The following ROBO2 variants were observed in gnomAD, a reference collection of about 807,000 sequenced individuals.
The protein encoded by ROBO2 is roundabout guidance receptor 2, also known as roundabout homolog 2.
In ROBO2, 53 loss-of-function variants were observed where a neutral mutation model predicts 160.8. That is an observed-to-expected ratio of 0.33 (90% CI 0.26 to 0.41). The LOEUF (loss-of-function observed/expected upper bound fraction) is 0.41, where lower values mean the gene tolerates loss of function less well. Ranked by LOEUF, ROBO2 falls within the 10% of genes least tolerant of loss-of-function variation. The pLI, the probability that ROBO2 is intolerant of heterozygous loss-of-function variation, is 1.00. For missense variants in ROBO2, 1,577 were observed against 1,722.4 expected, an observed-to-expected ratio of 0.92 and a Z score of 1.49; for synonymous variants, 664 against 611.7, an observed-to-expected ratio of 1.09 and a Z score of -1.26.
chr3:76,564,548 A>G (rs1363544788), intron 2 of ROBO2, among the ~76,000 whole-genome samples: 1 of 152,202 alleles, frequency 6.6e-6, no homozygotes, highest in Non-Finnish European at 1.5e-5. Flanking sequence ...AAATTGTATT[A>G]TGTGGTCCAC....
chr3:76,065,099 G>C (rs2068207929), intron 2 of ROBO2, among the ~76,000 whole-genome samples: 1 of 151,890 alleles, frequency 6.6e-6, no homozygotes, highest in African/African-American at 2.4e-5. Context: ...AAATATAATA[G>C]CATAAAAATT....
intron 2 of ROBO2, among the ~76,000 whole-genome samples, chr3:76,854,839 C>T (rs1359673133): frequency 6.6e-6 from 1 of 152,058 alleles, no homozygotes; most frequent in East Asian, 1.9e-4. Context: ...TCTTCACCTA[C>T]TTAAAAGAGT....
intron 2 of ROBO2, among the ~76,000 whole-genome samples, chr3:76,368,025 T>C (rs1195307576): frequency 2.6e-5 from 4 of 151,942 alleles, no homozygotes; most frequent in Admixed American, 6.6e-5. Flanking sequence ...ATGGTAAATA[T>C]TGCATTTTTA....
intron 2 of ROBO2, among the ~76,000 whole-genome samples, chr3:76,047,619 T>A (rs2067494047): frequency 6.6e-6 from 1 of 152,236 alleles, no homozygotes; most frequent in African/African-American, 2.4e-5. Flanking sequence ...GCGATAATTA[T>A]ATTAAAATGC....
intron 2 of ROBO2, among the ~76,000 whole-genome samples, chr3:76,159,486 T>G (rs1396984672): frequency 1.3e-5 from 2 of 152,136 alleles, no homozygotes; most frequent in Non-Finnish European, 2.9e-5. Flanking sequence ...GACTGCTACT[T>G]GTAGTATCCT....
chr3:76,715,723 G>T (rs2093368516), intron 2 of ROBO2, among the ~76,000 whole-genome samples: 1 of 152,148 alleles, frequency 6.6e-6, no homozygotes. Context: ...ATTGTTCTAA[G>T]AACATTTAGC....
At chr3:77,384,976 C>T (rs759039146) in intron 2 of ROBO2, among the ~76,000 whole-genome samples, 6 of 152,110 alleles carry the variant, frequency 3.9e-5, no homozygotes, top group Non-Finnish European at 7.3e-5. Flanking sequence ...CACTCTGGCT[C>T]TGTGGTTTAC....
chr3:76,415,205 C>T (rs1362510402), intron 2 of ROBO2, among the ~76,000 whole-genome samples: 2 of 152,142 alleles, frequency 1.3e-5, no homozygotes, highest in Non-Finnish European at 1.5e-5. Flanking sequence ...GCAACTTTTT[C>T]ACTTCACGGG....
At chr3:77,102,509 G>A (rs2072104430) in intron 2 of ROBO2, among the ~76,000 whole-genome samples, 1 of 152,034 alleles carries the variant, frequency 6.6e-6, no homozygotes, top group Admixed American at 6.6e-5. Context: ...TGATATGTAG[G>A]ACATAAACAT....
intron 2 of ROBO2, among the ~76,000 whole-genome samples, chr3:76,337,233 T>A (rs533210005): frequency 2.0e-5 from 3 of 152,098 alleles, no homozygotes; most frequent in Non-Finnish European, 2.9e-5. Context: ...AAATTATCAG[T>A]GAGATGAGCA....
intron 2 of ROBO2, among the ~76,000 whole-genome samples, chr3:76,807,578 A>G (rs1360899360): frequency 6.6e-6 from 1 of 152,014 alleles, no homozygotes; most frequent in African/African-American, 2.4e-5. Flanking sequence ...AACTATTTTA[A>G]CCTCTGACAC....
intron 2 of ROBO2, among the ~76,000 whole-genome samples, chr3:76,251,201 G>A (rs1705973615): frequency 6.6e-6 from 1 of 152,028 alleles, no homozygotes; most frequent in African/African-American, 2.4e-5. Flanking sequence ...TGTCATCAGG[G>A]TGCAAGAGTT....
intron 2 of ROBO2, among the ~76,000 whole-genome samples, chr3:77,332,180 AT>A (rs1193217778): frequency 2.0e-5 from 3 of 152,168 alleles, no homozygotes; most frequent in Non-Finnish European, 4.4e-5. Context: ...TACGTAATGT[AT>A]TTTTATGTCT....
intron 21 of ROBO2, among the ~76,000 whole-genome samples, chr3:77,609,855 T>C (rs919948906): frequency 1.3e-5 from 2 of 148,254 alleles, no homozygotes; most frequent in Non-Finnish European, 3.0e-5. Flanking sequence ...AGTTTTTGTT[T>C]GTCTTAAATA....
intron 2 of ROBO2, among the ~76,000 whole-genome samples, chr3:76,151,192 T>G (rs1462363639): frequency 6.6e-6 from 1 of 152,178 alleles, no homozygotes; most frequent in Non-Finnish European, 1.5e-5. Flanking sequence ...AAACAGTCCA[T>G]TAAGAAATCT....
intron 2 of ROBO2, among the ~76,000 whole-genome samples, chr3:77,387,035 G>A (rs7634014): frequency 0.32 from 49,048 of 151,758 alleles, 8,179 homozygotes; most frequent in East Asian, 0.46. Context: ...GCCTTATTAA[G>A]CCGCTCACAT....
chr3:75,957,347 AC>A (rs1473542155), intron 2 of ROBO2, among the ~76,000 whole-genome samples: 2 of 151,450 alleles, frequency 1.3e-5, no homozygotes, highest in Non-Finnish European at 3.0e-5. Flanking sequence ...AATTTATGAA[AC>A]TCATTTTGAG....
chr3:76,336,739 T>C (rs1231780329), intron 2 of ROBO2, among the ~76,000 whole-genome samples: 1 of 152,116 alleles, frequency 6.6e-6, no homozygotes, highest in Non-Finnish European at 1.5e-5. Flanking sequence ...TATTTTAAAA[T>C]AATCATCATA....
At chr3:76,264,988 C>G (rs1707009610) in intron 2 of ROBO2, among the ~76,000 whole-genome samples, 1 of 152,110 alleles carries the variant, frequency 6.6e-6, no homozygotes, top group African/African-American at 2.4e-5. Flanking sequence ...GGAGAAAATA[C>G]CACCTTGTGT....
Sources: allele counts gnomAD v4.1 joint callset (sites outside exome capture counted in the v4.1 genomes callset), GRCh38; gene constraint gnomAD v4.1.1; transcripts MANE v1.5; gene names NCBI Gene and HGNC (gene_info 2026-07-23, HGNC 2026-07-21).